GALNT13: variants seen among roughly 807,000 people sequenced by gnomAD.
GALNT13 encodes UDP-GalNAc:polypeptide N-acetylgalactosaminyltransferase 13.
A neutral mutation model predicts 64.2 loss-of-function variants in GALNT13; 28 were observed. The ratio of observed to expected loss-of-function variants is 0.44; its 90% CI spans 0.32 to 0.60. The LOEUF (loss-of-function observed/expected upper bound fraction) is 0.60, where lower values mean the gene tolerates loss of function less well. GALNT13 is among the 20% of genes least tolerant of loss of function. The pLI is 0.05. For synonymous variants in GALNT13, 214 were observed against 224.6 expected (o/e 0.95, Z 0.42); for missense variants, 577 against 669.8 (o/e 0.86, Z 1.53).
At chr2:154,108,153 G>T (rs73003242) in intron 3 of GALNT13, among the ~76,000 whole-genome samples, 3,211 of 150,094 alleles carry the variant, frequency 0.021, 126 homozygotes, top group African/African-American at 0.073. Flanking sequence ...TCTATTTTTT[G>T]GTTTTTTTTT....
the GALNT13 span, among the ~76,000 whole-genome samples, chr2:153,074,533 C>T: frequency 1.2e-4 from 18 of 152,152 alleles, no homozygotes; most frequent in Non-Finnish European, 2.1e-4. Context: ...TAGGCTACAA[C>T]TCTGTACAGC....
the GALNT13 span, among the ~76,000 whole-genome samples, chr2:153,220,733 G>C: frequency 6.6e-6 from 1 of 152,080 alleles, no homozygotes; most frequent in Admixed American, 6.5e-5. Flanking sequence ...CTGCACATAG[G>C]CTAAGAGAAG....
the GALNT13 span, among the ~76,000 whole-genome samples, chr2:153,260,864 G>A: frequency 6.6e-6 from 1 of 152,024 alleles, no homozygotes; most frequent in South Asian, 2.1e-4. Flanking sequence ...TCTAAATCTT[G>A]TAGGTGAGCT....
At chr2:153,753,635 G>A in the GALNT13 span, among the ~76,000 whole-genome samples, 1 of 152,128 alleles carries the variant, frequency 6.6e-6, no homozygotes, top group African/African-American at 2.4e-5. Context: ...CACCTGGGGG[G>A]TGGAATGACA....
the GALNT13 span, among the ~76,000 whole-genome samples, chr2:153,197,191 G>A: frequency 6.6e-6 from 1 of 152,212 alleles, no homozygotes; most frequent in Non-Finnish European, 1.5e-5. Context: ...TGGCATGCTT[G>A]TGTGCTGACA....
chr2:153,257,783 G>C, the GALNT13 span, among the ~76,000 whole-genome samples: 2 of 152,092 alleles, frequency 1.3e-5, no homozygotes, highest in Admixed American at 6.5e-5. Flanking sequence ...ATAGTTATTT[G>C]TACAAGTGCT....
the GALNT13 span, among the ~76,000 whole-genome samples, chr2:153,586,158 G>GA: frequency 3.9e-5 from 6 of 151,978 alleles, no homozygotes; most frequent in African/African-American, 1.4e-4. Context: ...AAAACAACTA[G>GA]AAAAAAGTTA....
chr2:154,241,298 G>A (rs1377857323), intron 4 of GALNT13, among the ~76,000 whole-genome samples: 1 of 152,138 alleles, frequency 6.6e-6, no homozygotes, highest in Admixed American at 6.5e-5. Flanking sequence ...TGGAGCCCTA[G>A]CCAGGGACCA....
the GALNT13 span, among the ~76,000 whole-genome samples, chr2:153,853,684 TA>T: frequency 6.6e-6 from 1 of 151,022 alleles, no homozygotes; most frequent in Admixed American, 6.6e-5. Context: ...TATATAAATA[TA>T]ATTATACAAT....
the GALNT13 span, among the ~76,000 whole-genome samples, chr2:153,654,592 A>G: frequency 1.3e-5 from 2 of 152,128 alleles, no homozygotes; most frequent in African/African-American, 2.4e-5. Flanking sequence ...CACAGTCCAC[A>G]TCTGAGGATT....
chr2:153,203,599 A>G, the GALNT13 span, among the ~76,000 whole-genome samples: 1 of 152,140 alleles, frequency 6.6e-6, no homozygotes, highest in Non-Finnish European at 1.5e-5. Context: ...CAGGGACTCA[A>G]ATGTAGGCTA....
At chr2:154,372,295 T>C (rs533689280) in intron 9 of GALNT13, among the ~76,000 whole-genome samples, 16 of 152,032 alleles carry the variant, frequency 1.1e-4, no homozygotes, top group Non-Finnish European at 1.9e-4. Flanking sequence ...TTGCTCAGGG[T>C]TGTAATCCAA....
intron 3 of GALNT13, among the ~76,000 whole-genome samples, chr2:154,094,788 C>T (rs577029178): frequency 1.3e-5 from 2 of 151,918 alleles, no homozygotes; most frequent in South Asian, 2.1e-4. Context: ...ATCTTGCTTA[C>T]CTTCATCTTG....
At chr2:153,167,560 G>C in the GALNT13 span, among the ~76,000 whole-genome samples, 2 of 148,280 alleles carry the variant, frequency 1.3e-5, no homozygotes, top group East Asian at 1.9e-4. Context: ...TTTGTGGCAG[G>C]CTCCTTTAGA....
At chr2:153,322,566 A>G in the GALNT13 span, among the ~76,000 whole-genome samples, 1 of 152,138 alleles carries the variant, frequency 6.6e-6, no homozygotes, top group Non-Finnish European at 1.5e-5. Context: ...GGTATGTTAC[A>G]TAGGTATACA....
At chr2:153,572,747 G>A in the GALNT13 span, among the ~76,000 whole-genome samples, 2 of 151,878 alleles carry the variant, frequency 1.3e-5, no homozygotes, top group African/African-American at 4.8e-5. Flanking sequence ...TATTTGTATA[G>A]TTTCCAAAAT....
the GALNT13 span, among the ~76,000 whole-genome samples, chr2:153,765,909 C>G: frequency 6.6e-6 from 1 of 152,120 alleles, no homozygotes; most frequent in Non-Finnish European, 1.5e-5. Flanking sequence ...CCTGCCACCA[C>G]GTAAGATGTG....
At chr2:153,457,917 C>A in the GALNT13 span, among the ~76,000 whole-genome samples, 4 of 152,206 alleles carry the variant, frequency 2.6e-5, no homozygotes, top group Non-Finnish European at 5.9e-5. Flanking sequence ...CCCTCCCCAT[C>A]CTGTTGGTGA....
At chr2:153,595,697 T>G in the GALNT13 span, among the ~76,000 whole-genome samples, 3 of 152,106 alleles carry the variant, frequency 2.0e-5, no homozygotes, top group Non-Finnish European at 2.9e-5. Context: ...ATCTATCCCT[T>G]ATTTTTAAAA....
Sources: gnomAD v4.1 joint callset for allele counts (sites outside exome capture counted in the v4.1 genomes callset) on GRCh38, gnomAD v4.1.1 for gene constraint, MANE v1.5 for transcripts, NCBI Gene and HGNC (gene_info 2026-07-23, HGNC 2026-07-21) for gene names.